The following MAGI2 variants were observed in gnomAD, a reference collection of about 807,000 sequenced individuals.
MAGI2 encodes the protein membrane-associated guanylate kinase, WW and PDZ domain-containing protein 2.
A neutral mutation model predicts 133.3 loss-of-function variants in MAGI2; 35 were observed. The observed-to-expected ratio is 0.26, with a 90% confidence interval of 0.20 to 0.35. MAGI2 has a LOEUF of 0.35. Ranked by LOEUF, MAGI2 falls within the 10% of genes least tolerant of loss-of-function variation. The probability of loss-of-function intolerance (pLI) is 1.00; values close to 1 mark genes in which losing one functional copy is unlikely to be tolerated. For missense variants in MAGI2, 1,636 were observed against 1,863.4 expected (o/e 0.88, Z 2.25); for synonymous variants, 729 against 710.6 (o/e 1.03, Z -0.41).
At chr7:78,208,242 C>T (rs1787323659) in intron 10 of MAGI2, among the ~76,000 whole-genome samples, 1 of 148,928 alleles carries the variant, frequency 6.7e-6, no homozygotes, top group African/African-American at 2.5e-5. Context: ...CTTAGAAACA[C>T]TGTAAAATTG....
chr7:79,249,212 T>C (rs1281168454), intron 1 of MAGI2, among the ~76,000 whole-genome samples: 1 of 151,872 alleles, frequency 6.6e-6, no homozygotes, highest in African/African-American at 2.4e-5. Context: ...AGTACCTGCA[T>C]CAAAAAAGTA....
chr7:78,140,619 C>T (rs1038245911), intron 16 of MAGI2, among the ~76,000 whole-genome samples: 6 of 152,216 alleles, frequency 3.9e-5, no homozygotes, highest in Non-Finnish European at 5.9e-5. Flanking sequence ...GGTTTAGAAT[C>T]TGTGACCTGA....
chr7:78,372,385 G>A (rs1585038318), intron 6 of MAGI2, among the ~76,000 whole-genome samples: 1 of 152,132 alleles, frequency 6.6e-6, no homozygotes, highest in Non-Finnish European at 1.5e-5. Flanking sequence ...TTTAAATTAA[G>A]CTAACAGATG....
intron 3 of MAGI2, among the ~76,000 whole-genome samples, chr7:78,587,910 T>C (rs979681827): frequency 2.0e-5 from 3 of 152,288 alleles, no homozygotes; most frequent in Middle Eastern, 3.4e-3. Flanking sequence ...ATGAACAAAA[T>C]GGAATTTAAA....
intron 2 of MAGI2, among the ~76,000 whole-genome samples, chr7:78,814,348 G>T (rs896307585): frequency 6.6e-6 from 1 of 152,060 alleles, no homozygotes; most frequent in Non-Finnish European, 1.5e-5. Context: ...TATAATAGCG[G>T]TATAATCTGT....
intron 7 of MAGI2, among the ~76,000 whole-genome samples, chr7:78,348,226 C>G (rs934798342): frequency 4.6e-5 from 7 of 152,086 alleles, no homozygotes; most frequent in African/African-American, 1.4e-4. Flanking sequence ...GCAAGACAAC[C>G]TGGGTTTCAG....
chr7:78,616,382 A>T lies in MAGI2; in HGVS notation c.538+10738T>A, dbSNP rs183648227. The T allele has an allele frequency of 1.5e-4, 23 of 152,264 alleles. No homozygotes were observed. In the East Asian group the frequency reaches 4.2e-3, roughly 28 times the overall value. The allele number at this position is 152,264 out of a possible 1,614,324, so 9.4% of individuals were successfully genotyped here. A position where few individuals can be genotyped will look rare whatever the true frequency, so the allele number is the denominator to read the frequency against. ...GAACATGAAAAAAGACAGAAATTTT[A>T]GGGAAGGGTAATTATCATTAATTCA... On this transcript the variant is annotated intron_variant, in intron 3 of 21. Coordinates refer to ENST00000354212, the MANE Select transcript of MAGI2 (RefSeq NM_012301.4).
At chr7:79,043,252 T>C (rs112914458) in intron 1 of MAGI2, among the ~76,000 whole-genome samples, 20 of 151,868 alleles carry the variant, frequency 1.3e-4, no homozygotes, top group African/African-American at 3.9e-4. Context: ...CTGAATGAAA[T>C]TGAGACACAA....
intron 15 of MAGI2, among the ~76,000 whole-genome samples, chr7:78,162,301 G>A (rs1451914869): frequency 1.3e-5 from 2 of 151,238 alleles, no homozygotes; most frequent in African/African-American, 2.4e-5. Flanking sequence ...TGAGGCGGGC[G>A]GATCACGAGG....
chr7:79,003,134 A>G (rs1371317087), intron 2 of MAGI2, among the ~76,000 whole-genome samples: 1 of 151,926 alleles, frequency 6.6e-6, no homozygotes, highest in African/African-American at 2.4e-5. Context: ...TACCAAGGAG[A>G]GTGCAAGGAC....
intron 18 of MAGI2, among the ~76,000 whole-genome samples, chr7:78,131,328 G>A (rs1000153328): frequency 6.6e-6 from 1 of 152,134 alleles, no homozygotes; most frequent in African/African-American, 2.4e-5. Context: ...AAGCAGCTGA[G>A]GACAATCAGA....
At chr7:78,373,758 C>G (rs1419170879) in intron 6 of MAGI2, among the ~76,000 whole-genome samples, 3 of 152,096 alleles carry the variant, frequency 2.0e-5, no homozygotes, top group African/African-American at 7.2e-5. Flanking sequence ...CTTCCCTTCA[C>G]CTTCTAGTAG....
intron 2 of MAGI2, among the ~76,000 whole-genome samples, chr7:78,703,234 A>AAT (rs1467095046): frequency 6.6e-6 from 1 of 152,050 alleles, no homozygotes; most frequent in Non-Finnish European, 1.5e-5. Context: ...ATTCTTGCAA[A>AAT]AGTTTATATT....
intron 21 of MAGI2, among the ~76,000 whole-genome samples, chr7:78,028,870 G>C (rs1255896390): frequency 9.5e-6 from 1 of 105,002 alleles, no homozygotes; most frequent in East Asian, 3.0e-4. Context: ...AAAAAAAAAA[G>C]AACTATGTTG....
chr7:78,511,211 T>C (rs1169271160), intron 4 of MAGI2, among the ~76,000 whole-genome samples: 2 of 152,142 alleles, frequency 1.3e-5, no homozygotes, highest in South Asian at 4.1e-4. Context: ...ATTGTGTTGA[T>C]TTTTATATAT....
intron 9 of MAGI2, among the ~76,000 whole-genome samples, chr7:78,283,118 A>G (rs938078275): frequency 6.6e-6 from 1 of 152,122 alleles, no homozygotes; most frequent in East Asian, 1.9e-4. Flanking sequence ...CTGCCTCCCA[A>G]AGTGCTGGGA....
chr7:79,402,395 A>G (rs1353944319), intron 1 of MAGI2, among the ~76,000 whole-genome samples: 1 of 152,174 alleles, frequency 6.6e-6, no homozygotes, highest in East Asian at 1.9e-4. Flanking sequence ...CTTTCATTTC[A>G]TGTTTGTCTG....
At chr7:78,539,485 T>TG (rs398111480) in intron 3 of MAGI2, among the ~76,000 whole-genome samples, 5 of 143,584 alleles carry the variant, frequency 3.5e-5, no homozygotes, top group Non-Finnish European at 7.9e-5. Context: ...TTTGTTTTTT[T>TG]GTTTTTTTGT....
intron 1 of MAGI2, among the ~76,000 whole-genome samples, chr7:79,089,362 C>A (rs2215544): frequency 5.3e-5 from 8 of 151,988 alleles, no homozygotes; most frequent in Non-Finnish European, 1.2e-4. Flanking sequence ...AGTAGGAGTG[C>A]AAATTAGTTC....
Sources: gnomAD v4.1 joint callset for allele counts (sites outside exome capture counted in the v4.1 genomes callset) on GRCh38, gnomAD v4.1.1 for gene constraint, MANE v1.5 for transcripts, NCBI Gene and HGNC (gene_info 2026-07-23, HGNC 2026-07-21) for gene names.